The following AHRR variants were observed in gnomAD, a reference collection of about 807,000 sequenced individuals.
The protein encoded by AHRR is aryl hydrocarbon receptor repressor, also known as ahR repressor.
Under a neutral mutation model 44.0 loss-of-function variants are expected in AHRR, and 28 were observed. The observed-to-expected ratio is 0.64, with a 90% CI of 0.47 to 0.87. AHRR has a LOEUF of 0.87. Ranked by LOEUF, AHRR falls within the 40% of genes least tolerant of loss-of-function variation. AHRR has a pLI of 0.00. For missense variants in AHRR, 990 were observed against 953.9 expected, an observed-to-expected ratio of 1.04 and a Z score of -0.50; for synonymous variants, 434 against 407.0, an observed-to-expected ratio of 1.07 and a Z score of -0.80.
At chr5:409,938 ATT>A (rs1735406170) in intron 4 of AHRR, among the ~76,000 whole-genome samples, 1 of 152,018 alleles carries the variant, frequency 6.6e-6, no homozygotes, top group Non-Finnish European at 1.5e-5. Flanking sequence ...TCTTGAGTTA[ATT>A]TGTGTGTGGC....
At chr5:346,862 C>G (rs1467927834) in intron 2 of AHRR, among the ~76,000 whole-genome samples, 1 of 152,192 alleles carries the variant, frequency 6.6e-6, no homozygotes, top group Non-Finnish European at 1.5e-5. Flanking sequence ...AGTAGTAAGC[C>G]CTTTGTCTCC....
At chr5:421,098 C>T (rs909086475) in intron 5 of AHRR, 3 of 545,976 alleles carry the variant, frequency 5.5e-6, no homozygotes, top group Non-Finnish European at 9.7e-6. Context: ...AAACATTGGC[C>T]AGAAGGTGCA....
chr5:398,702 C>T (rs866434555), intron 4 of AHRR, among the ~76,000 whole-genome samples: 12 of 152,182 alleles, frequency 7.9e-5, no homozygotes, highest in African/African-American at 1.7e-4. Context: ...TTTAAGCTGC[C>T]GACACTGGGA....
intron 3 of AHRR, among the ~76,000 whole-genome samples, chr5:374,909 C>T (rs1027892401): frequency 4.6e-5 from 7 of 152,348 alleles, no homozygotes; most frequent in Non-Finnish European, 1.0e-4. Flanking sequence ...ACCCAGCGTC[C>T]GGACCCCACC....
At chr5:350,263 G>A (rs997836962) in intron 2 of AHRR, among the ~76,000 whole-genome samples, 5 of 152,160 alleles carry the variant, frequency 3.3e-5, no homozygotes, top group East Asian at 1.9e-4. Context: ...ATCTTCCTGC[G>A]TATTTGGTCT....
At chr5:373,772 C>T (rs912562405) in intron 3 of AHRR, among the ~76,000 whole-genome samples, 28 of 151,534 alleles carry the variant, frequency 1.8e-4, no homozygotes, top group African/African-American at 6.0e-4. Context: ...AGCGCCCGCG[C>T]GGACCCCGAG....
intron 8 of AHRR, among the ~76,000 whole-genome samples, chr5:430,373 G>A (rs1056749317): frequency 3.5e-4 from 53 of 152,342 alleles, no homozygotes; most frequent in African/African-American, 1.2e-3. Flanking sequence ...ACCAGGACCC[G>A]CCACTGAGCC....
chr5:423,818 C>T, intron 6 of AHRR, 23 bp from the exon 7 acceptor site: 2 of 1,579,804 alleles, frequency 1.3e-6, no homozygotes, highest in Non-Finnish European at 1.7e-6. Flanking sequence ...ACCGCCACGC[C>T]CCTTGGCCCC....
intron 4 of AHRR, among the ~76,000 whole-genome samples, chr5:381,100 G>C (rs1393949041): frequency 6.6e-6 from 1 of 152,230 alleles, no homozygotes; most frequent in African/African-American, 2.4e-5. Context: ...AGAACAGAAA[G>C]CAAATTCTCC....
rs1416603812 is a variant in AHRR at position 433,036 on chromosome 5, G to GA, written c.1112+94dup. ...GAGCGGGTGGGGGAGTGATTAAGAA[G>GA]AAAAATAAAAAAGACGACAGCAGCC... On this transcript the variant is annotated intron_variant, in intron 10 of 10. Transcript: ENST00000684583. The GA allele has an allele frequency of 2.2e-6, 3 of 1,379,320 alleles. No individual in the cohort carries two copies. In the African/African-American group the frequency reaches 4.5e-5, roughly 20 times the overall value. The allele number at this position is 1,379,320 out of a possible 1,614,324, so 85.4% of individuals were successfully genotyped here. A position where few individuals can be genotyped will look rare whatever the true frequency, so the allele number is the denominator to read the frequency against.
At chr5:376,559 T>TGAATGAATGAGAACGGGGG in intron 3 of AHRR, 51 bp from the exon 4 acceptor site, 1 of 241,106 alleles carries the variant, frequency 4.1e-6, no homozygotes, top group South Asian at 3.7e-5. Context: ...TGAAGAAGAG[T>TGAATGAATGAGAACGGGGG]GGCCAGGCCA....
chr5:353,689 C>A, intron 2 of AHRR, 41 bp from the exon 3 acceptor site: 1 of 1,567,786 alleles, frequency 6.4e-7, no homozygotes. Context: ...CCTGTGGCTT[C>A]TGGTGGAGAA....
In AHRR at chr5:423,903, G is replaced by A. The variant is rs775733949; in HGVS notation, c.634G>A (p.Glu212Lys). ...AQEWGTGTPT[E>K]YSAFLTRCFI... ...GGAGTGGGGCACAGGCACGCCCACC[G>A]AGTACTCGGCCTTCCTGACCCGCTG... is the stretch of plus-strand genomic sequence containing the variant. Residue 212 changes from glutamate (E) to lysine (K), a missense_variant, in exon 7 of 11, where the codon GAG becomes AAG. Glu to Lys is a moderately conservative substitution (Grantham distance 56). Transcript: ENST00000684583. The A allele has an allele frequency of 3.7e-6, 6 of 1,604,314 alleles. No individual in the cohort carries two copies. Among genetic ancestry groups the A allele is most frequent in the Non-Finnish European group, 5.1e-6 (6 of 1,179,932 alleles).
intron 3 of AHRR, among the ~76,000 whole-genome samples, chr5:355,529 G>C (rs1362347411): frequency 6.6e-6 from 1 of 152,100 alleles, no homozygotes; most frequent in African/African-American, 2.4e-5. Context: ...TCACCCTCTC[G>C]CTGGGAGGTT....
At chr5:423,780 G>A (rs1048709763) in intron 6 of AHRR, 61 bp from the exon 7 acceptor site, 91 of 1,538,556 alleles carry the variant, frequency 5.9e-5, no homozygotes, top group Non-Finnish European at 7.0e-5. Context: ...GTGGTTGTGC[G>A]TGTGACACGT....
chr5:336,595 C>T (rs1742135755), intron 1 of AHRR, among the ~76,000 whole-genome samples: 1 of 152,072 alleles, frequency 6.6e-6, no homozygotes, highest in Non-Finnish European at 1.5e-5. Context: ...CTGTGGGTTG[C>T]CTCTTCACTT....
intron 2 of AHRR, among the ~76,000 whole-genome samples, chr5:345,855 G>A (rs1742654961): frequency 6.6e-6 from 1 of 152,088 alleles, no homozygotes; most frequent in South Asian, 2.1e-4. Flanking sequence ...GAAGGATCCT[G>A]TTTACTGTTT....
chr5:338,397 T>C lies in AHRR; in HGVS notation c.-10-5496T>C, dbSNP rs1742217783. 6.6e-6 allele frequency among the ~76,000 whole-genome samples: 1 copy of C among 152,192 alleles called. No homozygotes were observed. The highest frequency in any genetic ancestry group is 1.5e-5 in the Non-Finnish European group (1 of 68,030). The stretch of plus-strand genomic sequence containing the variant: ...TCTTTATTTCACCTTCACTTGTGAA[T>C]GATGTTTTCATAAGATGTAGAATTC... On this transcript the variant is annotated intron_variant, in intron 1 of 10. Coordinates refer to ENST00000684583, the MANE Select transcript of AHRR (RefSeq NM_001377236.1). This position sits in a 1 kb window ranked among gnomAD's most constrained non-coding sequence, Gnocchi z 4.1.
chr5:342,705 C>T lies in AHRR; in HGVS notation c.-10-1188C>T, dbSNP rs574938873. The stretch of plus-strand genomic sequence containing the variant: ...AAGGCTTCTGGCCCAGAGCCTGGCA[C>T]GGGATGGTTACTGCACACAGGTCTG... On this transcript the variant is annotated intron_variant, in intron 1 of 10. Transcript: ENST00000684583. This position sits in a 1 kb window ranked among gnomAD's most constrained non-coding sequence, Gnocchi z 4.3. 1.7e-3 allele frequency among the ~76,000 whole-genome samples: 258 copies of T among 152,316 alleles called. 2 individuals are homozygous for T. The highest frequency in any genetic ancestry group is 5.8e-3 in the African/African-American group (241 of 41,566).
Sources: allele counts gnomAD v4.1 joint callset (sites outside exome capture counted in the v4.1 genomes callset), GRCh38; gene constraint gnomAD v4.1.1; non-coding constraint Gnocchi (gnomAD v3.1); transcripts MANE v1.5; gene names NCBI Gene and HGNC (gene_info 2026-07-23, HGNC 2026-07-21).